EXT2: variants seen among roughly 807,000 people sequenced by gnomAD.
EXT2 encodes exostosin glycosyltransferase 2, also known as exostosin-2.
In EXT2, 53 loss-of-function variants were observed where a neutral mutation model predicts 81.6. That is an observed-to-expected ratio of 0.65 (90% CI 0.52 to 0.82). The LOEUF (loss-of-function observed/expected upper bound fraction) is 0.82. EXT2 is among the 40% of genes least tolerant of loss of function. The pLI is 0.00. For synonymous variants in EXT2, 320 were observed against 340.0 expected (o/e 0.94, Z 0.65); for missense variants, 774 against 910.2 (o/e 0.85, Z 1.93).
chr11:44,233,367 G>T (rs1955921362), intron 11 of EXT2, among the ~76,000 whole-genome samples: 1 of 152,124 alleles, frequency 6.6e-6, no homozygotes, highest in Admixed American at 6.5e-5. Flanking sequence ...TTTTAACTTT[G>T]ATTTGATTAC....
Position 44,250,648 on chromosome 11 carries a change from A to T in EXT2, c.*6361A>T, listed in dbSNP as rs1237695958. ...AAATAAGCCCCATGTTTATTTTCTT[A>T]TGTTATTGAAATGAGCACTTGTGAT... On this transcript the variant is annotated 3_prime_UTR_variant, in exon 14 of 14. Coordinates refer to ENST00000533608, the MANE Select transcript of EXT2 (RefSeq NM_207122.2). Among the ~76,000 whole-genome samples, 9 of 152,212 alleles carry T rather than the reference A, an allele frequency of 5.9e-5. No homozygotes were observed. Among genetic ancestry groups the T allele is most frequent in the African/African-American group, 2.2e-4 (9 of 41,552 alleles).
chr11:44,114,653 AGACCAGGTTACTGTCATCTCTCCATT>A (rs1954196272), intron 4 of EXT2, among the ~76,000 whole-genome samples: 1 of 152,106 alleles, frequency 6.6e-6, no homozygotes, highest in Admixed American at 6.5e-5. Context: ...CCTCTACCCT[AGACCAGGTTACTGTCATCTCTCCATT>A]GGATTGCTGA....
chr11:44,204,846 C>T (rs1955563771), intron 9 of EXT2, among the ~76,000 whole-genome samples: 1 of 152,072 alleles, frequency 6.6e-6, no homozygotes, highest in Non-Finnish European at 1.5e-5. Flanking sequence ...TCCCTGGTGC[C>T]AAAAAGTTTG....
intron 4 of EXT2, among the ~76,000 whole-genome samples, chr11:44,115,050 C>T (rs1954201714): frequency 1.3e-5 from 2 of 152,140 alleles, no homozygotes; most frequent in South Asian, 4.1e-4. Flanking sequence ...CCTTCTTGGC[C>T]TCTGCCCTGG....
rs1246700061 is a variant in EXT2 at position 44,220,543 on chromosome 11, C to A, written c.1663-11810C>A. Among the ~76,000 whole-genome samples the A allele has an allele frequency of 1.3e-5, 2 of 152,180 alleles. No homozygotes were observed. Among genetic ancestry groups the A allele is most frequent in the African/African-American group, 2.4e-5 (1 of 41,442 alleles). On this transcript the variant is annotated intron_variant, in intron 10 of 13. Coordinates refer to ENST00000533608, the MANE Select transcript of EXT2 (RefSeq NM_207122.2). This position sits in a 1 kb window ranked among gnomAD's most constrained non-coding sequence, Gnocchi z 4.4. The stretch of plus-strand genomic sequence containing the variant: ...TGTGAGTGTTCCCACCTGTCAGGTA[C>A]AGTTAGAGCTTCCCAAAAGAGACAA...
chr11:44,176,197 A>T (rs1955155787), intron 8 of EXT2, among the ~76,000 whole-genome samples: 1 of 152,210 alleles, frequency 6.6e-6, no homozygotes, highest in African/African-American at 2.4e-5. Context: ...CATGACCCAG[A>T]CAGAAAGTAC....
intron 8 of EXT2, among the ~76,000 whole-genome samples, chr11:44,190,300 T>C (rs1955374954): frequency 2.6e-5 from 4 of 152,188 alleles, no homozygotes; most frequent in South Asian, 4.1e-4. Flanking sequence ...AAGCTTTTTT[T>C]CCCCTTTTAG....
Position 44,244,677 on chromosome 11 carries a change from G to A in EXT2, c.*390G>A. The A allele has an allele frequency of 5.9e-6, 2 of 340,440 alleles. No individual in the cohort carries two copies. The highest frequency in any genetic ancestry group is 5.5e-6 in the Non-Finnish European group (1 of 181,242). The allele number at this position is 340,440 out of a possible 1,614,324, so 21.1% of individuals were successfully genotyped here. ...AAGCGTGTTAGCCCATTTGAGGTCT[G>A]GGGAATCATGTAAAGGGTACCCAGA... On this transcript the variant is annotated 3_prime_UTR_variant, in exon 14 of 14. Coordinates refer to ENST00000533608, the MANE Select transcript of EXT2 (RefSeq NM_207122.2).
chr11:44,250,922 T>C lies in EXT2; in HGVS notation c.*6635T>C, dbSNP rs1796508164. Among the ~76,000 whole-genome samples the C allele has an allele frequency of 6.6e-6, 1 of 152,178 alleles. No homozygotes were observed. The highest frequency in any genetic ancestry group is 6.5e-5 in the Admixed American group (1 of 15,282). On this transcript the variant is annotated 3_prime_UTR_variant, in exon 14 of 14. Transcript: ENST00000533608. The stretch of plus-strand genomic sequence containing the variant: ...AAGGGGATAACAGCCACAATTGAGG[T>C]AATTAACGAAAATTGTACATTGGTG...
At chr11:44,237,961 T>C (rs1374172891) in intron 13 of EXT2, among the ~76,000 whole-genome samples, 1 of 142,558 alleles carries the variant, frequency 7.0e-6, no homozygotes, top group Non-Finnish European at 1.5e-5. Flanking sequence ...TGGTGGCGCA[T>C]GCCTGTAATC....
intron 4 of EXT2, among the ~76,000 whole-genome samples, chr11:44,122,566 A>G (rs558873939): frequency 2.6e-5 from 4 of 152,346 alleles, no homozygotes; most frequent in African/African-American, 9.6e-5. Context: ...TAGTGTCTAG[A>G]AAGAATACTT....
intron 1 of EXT2, among the ~76,000 whole-genome samples, chr11:44,101,386 C>T (rs1421673232): frequency 7.9e-5 from 12 of 152,280 alleles, no homozygotes; most frequent in African/African-American, 2.9e-4. Context: ...TTAGTTGTTA[C>T]AGCTGGAGGT....
intron 4 of EXT2, among the ~76,000 whole-genome samples, chr11:44,122,230 A>AGTAACTTTTTAT (rs1954328839): frequency 6.6e-6 from 1 of 152,214 alleles, no homozygotes; most frequent in Non-Finnish European, 1.5e-5. Context: ...ATGACTTTTC[A>AGTAACTTTTTAT]GTAACTTTTT....
intron 3 of EXT2, among the ~76,000 whole-genome samples, chr11:44,110,106 G>T (rs1395023232): frequency 6.6e-6 from 1 of 152,178 alleles, no homozygotes; most frequent in Middle Eastern, 3.2e-3. Flanking sequence ...ATTACAGTTG[G>T]TGTTTAACTC....
chr11:44,219,947 G>A (rs925624812), intron 10 of EXT2, among the ~76,000 whole-genome samples: 2 of 152,248 alleles, frequency 1.3e-5, no homozygotes, highest in South Asian at 2.1e-4. Context: ...TTGACCTCTT[G>A]TGTGACTCAG....
At chr11:44,185,282 C>T (rs968326926) in intron 8 of EXT2, among the ~76,000 whole-genome samples, 5 of 152,196 alleles carry the variant, frequency 3.3e-5, no homozygotes, top group Non-Finnish European at 7.3e-5. Flanking sequence ...AGCTCCTGGG[C>T]GTTCAGCTTT....
chr11:44,128,250 A>T (rs1413384252), intron 6 of EXT2, among the ~76,000 whole-genome samples: 1 of 152,206 alleles, frequency 6.6e-6, no homozygotes, highest in Non-Finnish European at 1.5e-5. Flanking sequence ...CAAACCGATG[A>T]TAATGTTTTG....
chr11:44,112,461 T>A (rs968790757), intron 3 of EXT2, among the ~76,000 whole-genome samples: 1 of 152,230 alleles, frequency 6.6e-6, no homozygotes, highest in Non-Finnish European at 1.5e-5. Flanking sequence ...GAAAACAGAA[T>A]GTGCTGTTCA....
intron 13 of EXT2, among the ~76,000 whole-genome samples, chr11:44,242,110 C>A (rs1026296689): frequency 6.6e-6 from 1 of 152,164 alleles, no homozygotes; most frequent in African/African-American, 2.4e-5. Context: ...GCCTTGGAAC[C>A]GCTATCCTCT....
Sources: allele counts gnomAD v4.1 joint callset (sites outside exome capture counted in the v4.1 genomes callset), GRCh38; gene constraint gnomAD v4.1.1; non-coding constraint Gnocchi (gnomAD v3.1); transcripts MANE v1.5; gene names NCBI Gene and HGNC (gene_info 2026-07-23, HGNC 2026-07-21).